AK5: variants seen among roughly 807,000 people sequenced by gnomAD.
The protein encoded by AK5 is adenylate kinase isoenzyme 5.
AK5 carries 27 observed loss-of-function variants against 69.5 expected under a neutral mutation model. The ratio of observed to expected loss-of-function variants is 0.39; its 90% CI spans 0.29 to 0.54. The LOEUF (loss-of-function observed/expected upper bound fraction) is 0.54. Ranked by LOEUF, AK5 falls within the 20% of genes least tolerant of loss-of-function variation. The pLI is 0.71. For synonymous variants in AK5, 260 were observed against 244.4 expected, an observed-to-expected ratio of 1.06 and a Z score of -0.60; for missense variants, 531 against 700.4, an observed-to-expected ratio of 0.76 and a Z score of 2.73.
intron 13 of AK5, among the ~76,000 whole-genome samples, chr1:77,546,313 G>A (rs183691598): frequency 4.6e-5 from 7 of 152,280 alleles, no homozygotes; most frequent in Non-Finnish European, 1.0e-4. Context: ...CAGAGTCACT[G>A]ACATGAATTC....
At chr1:77,514,840 T>G (rs1657549173) in intron 10 of AK5, among the ~76,000 whole-genome samples, 1 of 152,264 alleles carries the variant, frequency 6.6e-6, no homozygotes, top group South Asian at 2.1e-4. Flanking sequence ...CATTTTTGCC[T>G]TGTAAGCCAA....
At chr1:77,503,023 T>G (rs1174227767) in intron 10 of AK5, among the ~76,000 whole-genome samples, 1 of 152,250 alleles carries the variant, frequency 6.6e-6, no homozygotes, top group Non-Finnish European at 1.5e-5. Context: ...GGGCATCTGT[T>G]GTCCATAGGA....
intron 8 of AK5, among the ~76,000 whole-genome samples, chr1:77,475,391 T>C (rs1334622167): frequency 1.2e-4 from 1 of 8,358 alleles, no homozygotes; most frequent in Non-Finnish European, 2.9e-4. Context: ...TATATATGTA[T>C]ATATATAATA....
In AK5 at chr1:77,435,454, C is replaced by T. The variant is rs554591779; in HGVS notation, c.1059+17739C>T. Among the ~76,000 whole-genome samples the T allele has an allele frequency of 5.3e-5, 8 of 152,126 alleles. 1 individual carries two copies. The South Asian group carries it at 6.2e-4, about 12-fold the overall frequency. ...CACAGGGTGAAGAGACCGAGACCAT[C>T]GTGGCCTACATGGTGAAACCCCATC... On this transcript the variant is annotated intron_variant, in intron 8 of 13. Transcript: ENST00000354567.
chr1:77,550,373 AACTT>A (rs1659764630), intron 13 of AK5, among the ~76,000 whole-genome samples: 1 of 152,184 alleles, frequency 6.6e-6, no homozygotes, highest in East Asian at 1.9e-4. Flanking sequence ...GTCACGATGA[AACTT>A]ACTTTTGACT....
chr1:77,348,490 C>T (rs920524520), intron 6 of AK5, among the ~76,000 whole-genome samples: 5 of 150,538 alleles, frequency 3.3e-5, no homozygotes, highest in Non-Finnish European at 7.4e-5. Context: ...GCACATGTAC[C>T]CTAAAACTTA....
chr1:77,402,771 T>G (rs1318213387), intron 6 of AK5, among the ~76,000 whole-genome samples: 1 of 152,126 alleles, frequency 6.6e-6, no homozygotes, highest in Non-Finnish European at 1.5e-5. Flanking sequence ...TGCATGTGTC[T>G]TTATAGCAGC....
chr1:77,484,026 A>G (rs1490930460), intron 9 of AK5, among the ~76,000 whole-genome samples: 1 of 152,120 alleles, frequency 6.6e-6, no homozygotes, highest in African/African-American at 2.4e-5. Context: ...TTAGAAAGGC[A>G]TGGTGGTGCA....
intron 6 of AK5, among the ~76,000 whole-genome samples, chr1:77,369,379 G>T (rs1160308019): frequency 6.6e-6 from 1 of 152,108 alleles, no homozygotes; most frequent in Non-Finnish European, 1.5e-5. Flanking sequence ...ACATTTTAGA[G>T]AAGTGTTTTA....
chr1:77,535,545 C>T (rs1248123093), intron 12 of AK5, among the ~76,000 whole-genome samples: 1 of 152,178 alleles, frequency 6.6e-6, no homozygotes, highest in Non-Finnish European at 1.5e-5. Flanking sequence ...CACATACATA[C>T]TCCTTTCTTC....
rs1057509931 is a variant in AK5 at position 77,340,633 on chromosome 1, T to C, written c.891+65T>C. 58 of 1,465,070 alleles carry C rather than the reference T, an allele frequency of 4.0e-5. 1 individual carries two copies. The South Asian group carries it at 7.1e-4, about 18-fold the overall frequency. 90.8% of individuals were successfully genotyped at this position (1,465,070 alleles called of 1,614,324 possible). A position where few individuals can be genotyped will look rare whatever the true frequency, so the allele number is the denominator to read the frequency against. On this transcript the variant is annotated intron_variant, in intron 6 of 13. Coordinates refer to ENST00000354567, the MANE Select transcript of AK5 (RefSeq NM_174858.3). ...CTCTTTCAGATTTCTCATTAGCCCA[T>C]GTTCTCATGTAGAAATCCTCTTTAC...
intron 5 of AK5, among the ~76,000 whole-genome samples, chr1:77,299,119 T>C (rs1035288321): frequency 1.3e-5 from 2 of 152,144 alleles, no homozygotes; most frequent in Non-Finnish European, 2.9e-5. Flanking sequence ...AGTATCTTTT[T>C]CTACAGACCC....
Position 77,282,184 on chromosome 1 carries a change from A to C in AK5, c.-130A>C. On this transcript the variant is annotated 5_prime_UTR_variant, in exon 1 of 14. Transcript: ENST00000354567. ...TGGCCTGGGCGGAGAGGCTGAGCTG[A>C]GTGCGCGTGAGAAAGAGGGCTGCAC... 1.3e-6 allele frequency: 1 copy of C among 780,434 alleles called. No homozygotes were observed. The highest frequency in any genetic ancestry group is 2.0e-6 in the Non-Finnish European group (1 of 511,326). The allele number at this position is 780,434 out of a possible 1,614,324, so 48.3% of individuals were successfully genotyped here. A position where few individuals can be genotyped will look rare whatever the true frequency, so the allele number is the denominator to read the frequency against.
Position 77,514,582 on chromosome 1 carries a change from T to C in AK5, c.1148-3982T>C, listed in dbSNP as rs1004105204. The stretch of plus-strand genomic sequence containing the variant: ...CCAAGGGAAGAATCAAGCTATTGTG[T>C]AGATTACTTAAAATTCCACAGTGCC... On this transcript the variant is annotated intron_variant, in intron 10 of 13. Coordinates refer to ENST00000354567, the MANE Select transcript of AK5 (RefSeq NM_174858.3). 2.6e-5 allele frequency among the ~76,000 whole-genome samples: 4 copies of C among 152,368 alleles called. No homozygotes were observed. In the East Asian group the frequency reaches 7.7e-4, roughly 29 times the overall value.
chr1:77,461,118 C>G (rs544459561), intron 8 of AK5, among the ~76,000 whole-genome samples: 29 of 150,426 alleles, frequency 1.9e-4, no homozygotes, highest in African/African-American at 6.9e-4. Flanking sequence ...ACTGCAAGCT[C>G]TGCCTCCTGG....
At chr1:77,408,219 CCA>C (rs1328006374) in intron 6 of AK5, among the ~76,000 whole-genome samples, 1 of 152,170 alleles carries the variant, frequency 6.6e-6, no homozygotes, top group Non-Finnish European at 1.5e-5. Context: ...AAACTGCATT[CCA>C]CAGTGGCTGA....
At chr1:77,291,647 G>T (rs1481369890) in intron 2 of AK5, among the ~76,000 whole-genome samples, 1 of 152,004 alleles carries the variant, frequency 6.6e-6, no homozygotes. Context: ...TCAGTAAGAT[G>T]TTCTTTTTAT....
chr1:77,551,302 T>A (rs551664941), intron 13 of AK5, among the ~76,000 whole-genome samples: 1 of 152,242 alleles, frequency 6.6e-6, no homozygotes, highest in Non-Finnish European at 1.5e-5. Flanking sequence ...GAACTTGGCA[T>A]CTTGGTCCTA....
rs545464550 is a variant in AK5 at position 77,426,297 on chromosome 1, G to A, written c.1059+8582G>A. Among the ~76,000 whole-genome samples the A allele has an allele frequency of 9.9e-5, 15 of 152,180 alleles. 1 individual carries two copies. The highest frequency in any genetic ancestry group is 3.1e-4 in the African/African-American group (13 of 41,516). ...AAGTAAATAGAGAAAGCTCTACCACGCTAACGCTAATCAAAAGAAAGCAGG... is the reference window on the plus strand; with the variant it reads ...AAGTAAATAGAGAAAGCTCTACCACACTAACGCTAATCAAAAGAAAGCAGG... On this transcript the variant is annotated intron_variant, in intron 8 of 13. Coordinates refer to ENST00000354567, the MANE Select transcript of AK5 (RefSeq NM_174858.3).
Sources: gnomAD v4.1 joint callset for allele counts (sites outside exome capture counted in the v4.1 genomes callset) on GRCh38, gnomAD v4.1.1 for gene constraint, MANE v1.5 for transcripts, NCBI Gene and HGNC (gene_info 2026-07-23, HGNC 2026-07-21) for gene names.